The following IPMK variants were observed in gnomAD, a reference collection of about 807,000 sequenced individuals.
IPMK encodes inositol 1,3,4,6-tetrakisphosphate 5-kinase.
Under a neutral mutation model 45.8 loss-of-function variants are expected in IPMK, and 17 were observed. The observed-to-expected ratio is 0.37, with a 90% CI of 0.25 to 0.56. The LOEUF (loss-of-function observed/expected upper bound fraction) is 0.56. Ranked by LOEUF, IPMK falls within the 20% of genes least tolerant of loss-of-function variation. The pLI is 0.79. For synonymous variants in IPMK, 180 were observed against 184.3 expected, an observed-to-expected ratio of 0.98 and a Z score of 0.19; for missense variants, 399 against 498.0, an observed-to-expected ratio of 0.80 and a Z score of 1.89.
chr10:58,248,050 G>C (rs993906459), intron 1 of IPMK, among the ~76,000 whole-genome samples: 1 of 152,004 alleles, frequency 6.6e-6, no homozygotes, highest in African/African-American at 2.4e-5. Context: ...CTATGATTAT[G>C]CAAGTTGCAC....
chr10:58,241,049 A>G (rs566403467), intron 1 of IPMK, among the ~76,000 whole-genome samples: 1 of 151,988 alleles, frequency 6.6e-6, no homozygotes, highest in African/African-American at 2.4e-5. Context: ...TGGCAGAAGA[A>G]TAAAGAAAAA....
chr10:58,257,652 G>T (rs748280996), intron 1 of IPMK, among the ~76,000 whole-genome samples: 4 of 152,050 alleles, frequency 2.6e-5, no homozygotes, highest in African/African-American at 7.2e-5. Context: ...CAGAGAATCC[G>T]AAACAGACTG....
intron 1 of IPMK, among the ~76,000 whole-genome samples, chr10:58,248,607 A>G (rs1022506129): frequency 6.6e-6 from 1 of 152,164 alleles, no homozygotes; most frequent in African/African-American, 2.4e-5. Context: ...TTTGTGAACT[A>G]TAATCACCCT....
At chr10:58,208,688 A>G (rs1458061902) in intron 4 of IPMK, among the ~76,000 whole-genome samples, 1 of 152,154 alleles carries the variant, frequency 6.6e-6, no homozygotes, top group African/African-American at 2.4e-5. Flanking sequence ...GGGTGAGTTC[A>G]CTGTCTCCTA....
chr10:58,251,698 CT>C (rs1838882922), intron 1 of IPMK, among the ~76,000 whole-genome samples: 1 of 152,186 alleles, frequency 6.6e-6, no homozygotes, highest in South Asian at 2.1e-4. Context: ...GTTATATCCT[CT>C]TGCGGTACTA....
At chr10:58,246,741 T>G (rs1452365210) in intron 1 of IPMK, among the ~76,000 whole-genome samples, 1 of 151,922 alleles carries the variant, frequency 6.6e-6, no homozygotes, top group African/African-American at 2.4e-5. Context: ...GACACAGGCA[T>G]GGGCAAGGAC....
At chr10:58,233,930 G>A (rs1838568310) in intron 2 of IPMK, among the ~76,000 whole-genome samples, 1 of 152,114 alleles carries the variant, frequency 6.6e-6, no homozygotes, top group Admixed American at 6.5e-5. Flanking sequence ...CATCGTCTCA[G>A]CCCAAAATCT....
chr10:58,267,109 A>C (rs1393095837), intron 1 of IPMK, among the ~76,000 whole-genome samples: 1 of 152,204 alleles, frequency 6.6e-6, no homozygotes, highest in Non-Finnish European at 1.5e-5. Flanking sequence ...AGTAAAAATG[A>C]AGTTCCTTAT....
intron 1 of IPMK, among the ~76,000 whole-genome samples, chr10:58,251,429 T>C (rs1385067140): frequency 1.3e-5 from 2 of 152,042 alleles, no homozygotes; most frequent in Admixed American, 6.6e-5. Flanking sequence ...GAATGCCCCA[T>C]GTGCTGTTGA....
chr10:58,261,845 T>C (rs1187244221), intron 1 of IPMK, among the ~76,000 whole-genome samples: 1 of 152,234 alleles, frequency 6.6e-6, no homozygotes, highest in Non-Finnish European at 1.5e-5. Context: ...ATTACAGGCA[T>C]GAGCCACCGT....
intron 4 of IPMK, among the ~76,000 whole-genome samples, chr10:58,209,042 T>A (rs1838117359): frequency 6.6e-6 from 1 of 152,216 alleles, no homozygotes; most frequent in African/African-American, 2.4e-5. Context: ...GCTATTCTGA[T>A]CAGACAGGCA....
chr10:58,230,275 G>T (rs932409682), intron 2 of IPMK, among the ~76,000 whole-genome samples: 1 of 152,214 alleles, frequency 6.6e-6, no homozygotes, highest in African/African-American at 2.4e-5. Flanking sequence ...AAACGTCCCT[G>T]TCTGACAGTT....
At chr10:58,248,288 C>G (rs1433506126) in intron 1 of IPMK, among the ~76,000 whole-genome samples, 1 of 151,774 alleles carries the variant, frequency 6.6e-6, no homozygotes, top group Non-Finnish European at 1.5e-5. Flanking sequence ...GAATACTGTA[C>G]ATTTAAAAAT....
chr10:58,254,732 C>G (rs1455082965), intron 1 of IPMK, among the ~76,000 whole-genome samples: 1 of 152,202 alleles, frequency 6.6e-6, no homozygotes, highest in South Asian at 2.1e-4. Context: ...TAAACATGGC[C>G]TGTTGTTTCT....
chr10:58,253,124 G>T (rs981503709), intron 1 of IPMK, among the ~76,000 whole-genome samples: 1 of 152,078 alleles, frequency 6.6e-6, no homozygotes, highest in Non-Finnish European at 1.5e-5. Context: ...TGTTCTTTTG[G>T]TAGTGAATAA....
At chr10:58,202,142 C>G (rs1838007167) in intron 4 of IPMK, among the ~76,000 whole-genome samples, 1 of 152,166 alleles carries the variant, frequency 6.6e-6, no homozygotes, top group Admixed American at 6.5e-5. Flanking sequence ...GAAGCTACAG[C>G]AACTTATCCA....
At chr10:58,222,332 A>C (rs1387720481) in intron 3 of IPMK, among the ~76,000 whole-genome samples, 2 of 152,244 alleles carry the variant, frequency 1.3e-5, no homozygotes, top group Admixed American at 1.3e-4. Context: ...GTAAAGGCAG[A>C]ATTTTGAATA....
At position 58,225,835 on chromosome 10, in the gene IPMK, G is replaced by GA. The variant is rs953379174; in HGVS notation, c.373+1207dup. On this transcript the variant is annotated intron_variant, in intron 3 of 5. Transcript: ENST00000373935. ...AAAACTTCCACTTACAGCAAAGAGG[G>GA]AAAAAAAAGGAAGGCATTAAATGGG... is the stretch of plus-strand genomic sequence containing the variant. 4.8e-4 allele frequency among the ~76,000 whole-genome samples: 73 copies of GA among 151,568 alleles called. 1 individual carries two copies. Among genetic ancestry groups the GA allele is most frequent in the Middle Eastern group, 3.4e-3 (1 of 292 alleles).
Position 58,267,889 on chromosome 10 carries a change from A to C in IPMK, c.-278T>G, listed in dbSNP as rs1839179844. ...CTGCCCGGTAGACAGAACCGAGCCG[A>C]AGAACAGCAGCAGCGGCGCCCCGCG... On this transcript the variant is annotated 5_prime_UTR_variant, in exon 1 of 6. Transcript: ENST00000373935. 1 of 350,112 alleles carries C rather than the reference A, an allele frequency of 2.9e-6. No homozygotes were observed. The highest frequency in any genetic ancestry group is 2.2e-5 in the African/African-American group (1 of 46,320). The allele number at this position is 350,112 out of a possible 1,614,324, so 21.7% of individuals were successfully genotyped here.
Sources: gnomAD v4.1 joint callset for allele counts (sites outside exome capture counted in the v4.1 genomes callset) on GRCh38, gnomAD v4.1.1 for gene constraint, MANE v1.5 for transcripts, NCBI Gene and HGNC (gene_info 2026-07-23, HGNC 2026-07-21) for gene names.